The following SLC44A5 variants were observed in gnomAD, a reference collection of about 807,000 sequenced individuals.
SLC44A5 encodes the protein solute carrier family 44 member 5.
Under a neutral mutation model 101.8 loss-of-function variants are expected in SLC44A5, and 57 were observed. The observed-to-expected ratio is 0.56, with a 90% CI of 0.45 to 0.70. The LOEUF is 0.70. Among genes scored for constraint, SLC44A5 ranks in the 30% least tolerant of loss-of-function variants. The pLI is 0.00. For synonymous variants in SLC44A5, 281 were observed against 290.9 expected, an observed-to-expected ratio of 0.97 and a Z score of 0.35; for missense variants, 737 against 853.1, an observed-to-expected ratio of 0.86 and a Z score of 1.70.
chr1:75,253,997 C>A (rs934857396), intron 6 of SLC44A5, among the ~76,000 whole-genome samples: 7 of 151,880 alleles, frequency 4.6e-5, no homozygotes, highest in Non-Finnish European at 5.9e-5. Context: ...AATCTATAGT[C>A]ATTCTATCAC....
chr1:75,403,991 A>C (rs1384804584), intron 2 of SLC44A5, among the ~76,000 whole-genome samples: 1 of 152,108 alleles, frequency 6.6e-6, no homozygotes, highest in Non-Finnish European at 1.5e-5. Context: ...TAACCGCTTT[A>C]GGGAAGAATA....
At chr1:75,429,880 T>A (rs1664514394) in intron 2 of SLC44A5, among the ~76,000 whole-genome samples, 1 of 152,144 alleles carries the variant, frequency 6.6e-6, no homozygotes, top group South Asian at 2.1e-4. Flanking sequence ...CATTTCAACA[T>A]GAGATTTGAA....
chr1:75,519,263 T>G (rs926834571), intron 2 of SLC44A5, among the ~76,000 whole-genome samples: 4 of 152,108 alleles, frequency 2.6e-5, no homozygotes, highest in Non-Finnish European at 5.9e-5. Flanking sequence ...TTTTCTGGGC[T>G]TAAAACATTA....
At chr1:75,408,713 TG>T (rs1179877373) in intron 2 of SLC44A5, among the ~76,000 whole-genome samples, 2 of 122,212 alleles carry the variant, frequency 1.6e-5, no homozygotes, top group Non-Finnish European at 3.4e-5. Context: ...TGTCGGGGGC[TG>T]GGGGGCTAGG....
chr1:75,374,469 A>G (rs1030502949), intron 3 of SLC44A5, among the ~76,000 whole-genome samples: 40 of 152,172 alleles, frequency 2.6e-4, no homozygotes, highest in African/African-American at 8.9e-4. Flanking sequence ...GCCCCACTTG[A>G]TGCTAAGGAA....
intron 1 of SLC44A5, among the ~76,000 whole-genome samples, chr1:75,592,011 T>G (rs1159981565): frequency 6.6e-6 from 1 of 152,222 alleles, no homozygotes; most frequent in East Asian, 1.9e-4. Context: ...TTCAACATAG[T>G]ACTGGAAGTC....
chr1:75,671,865 T>C, the SLC44A5 span, among the ~76,000 whole-genome samples: 3 of 152,236 alleles, frequency 2.0e-5, no homozygotes, highest in Non-Finnish European at 4.4e-5. Flanking sequence ...AAACTATTTC[T>C]TTTTATTTTC....
At chr1:75,515,434 C>G (rs1453438456) in intron 2 of SLC44A5, among the ~76,000 whole-genome samples, 1 of 151,930 alleles carries the variant, frequency 6.6e-6, no homozygotes, top group African/African-American at 2.4e-5. Flanking sequence ...TCTTCCCATT[C>G]CCCACACACC....
intron 1 of SLC44A5, among the ~76,000 whole-genome samples, chr1:75,566,380 A>G (rs535806374): frequency 6.6e-6 from 1 of 152,338 alleles, no homozygotes; most frequent in Non-Finnish European, 1.5e-5. Context: ...TGTGAAATAA[A>G]AGGCCAGTTC....
At chr1:75,611,212 T>C (rs1675641300), upstream of SLC44A5, 1 of 454,628 alleles carries the variant, frequency 2.2e-6, no homozygotes, top group African/African-American at 2.1e-5. Context: ...CTAGCCTTGC[T>C]AGCCTCAAAG....
the SLC44A5 span, among the ~76,000 whole-genome samples, chr1:75,667,213 G>A: frequency 1.3e-5 from 2 of 152,182 alleles, no homozygotes; most frequent in Non-Finnish European, 2.9e-5. Flanking sequence ...TCCTTAAACT[G>A]ATAAGCAACT....
intron 2 of SLC44A5, among the ~76,000 whole-genome samples, chr1:75,515,860 T>G (rs894670419): frequency 2.6e-5 from 4 of 152,124 alleles, no homozygotes; most frequent in Non-Finnish European, 5.9e-5. Flanking sequence ...TGGCTTTACA[T>G]TCCCATCACA....
the SLC44A5 span, among the ~76,000 whole-genome samples, chr1:75,620,528 G>C: frequency 6.6e-6 from 1 of 152,108 alleles, no homozygotes; most frequent in South Asian, 2.1e-4. Context: ...CATTCTAACT[G>C]GCGTGAGCTG....
intron 2 of SLC44A5, among the ~76,000 whole-genome samples, chr1:75,438,224 G>T (rs1484930774): frequency 1.3e-5 from 2 of 152,100 alleles, no homozygotes; most frequent in Non-Finnish European, 2.9e-5. Flanking sequence ...CAGCAATCTG[G>T]AAGTTATTGA....
rs1661061023 is a variant in SLC44A5 at position 75,383,534 on chromosome 1, C to A, written c.52+13049G>T. The stretch of plus-strand genomic sequence containing the variant: ...AAGAATAAAAAGAAATGAGCAAAGC[C>A]TCCAAGAAATATGGGACTATGTGAA... On this transcript the variant is annotated intron_variant, in intron 3 of 23. Coordinates refer to ENST00000370859, the MANE Select transcript of SLC44A5 (RefSeq NM_001130058.2). 2.0e-5 allele frequency among the ~76,000 whole-genome samples: 3 copies of A among 152,144 alleles called. No individual in the cohort carries two copies. The South Asian group carries it at 6.2e-4, about 32-fold the overall frequency.
chr1:75,333,767 T>C lies in SLC44A5; in HGVS notation c.101+5815A>G, dbSNP rs17096760. Among the ~76,000 whole-genome samples, 204 of 152,196 alleles carry C rather than the reference T, an allele frequency of 1.3e-3. 1 individual carries two copies. The East Asian group carries it at 0.025, about 19-fold the overall frequency. On this transcript the variant is annotated intron_variant, in intron 4 of 23. Coordinates refer to ENST00000370859, the MANE Select transcript of SLC44A5 (RefSeq NM_001130058.2). Reference sequence around the variant, plus strand: ...AAAAGGAGAGTGTGTCTAGTACTGATAGGAGTAAGAAGAATGTAGAAAAAA... The same window carrying C: ...AAAAGGAGAGTGTGTCTAGTACTGACAGGAGTAAGAAGAATGTAGAAAAAA...
chr1:75,242,886 C>T lies in SLC44A5; in HGVS notation c.471G>A (p.Lys157=), dbSNP rs1648763207. Residue 157 remains lysine, a splice_region_variant and synonymous_variant, in exon 8 of 24, where the codon AAG becomes AAA. Transcript: ENST00000370859. ...QFCKTTAKPV[K]SLTQLLLDDD... is the part of the protein sequence containing the mutation. ...TTGCTTTAAGCTTAAACACACATAC[C>T]TTCACAGGCTTAGCAGTGGTCTTAC... 3 of 1,587,764 alleles carry T rather than the reference C, an allele frequency of 1.9e-6. No homozygotes were observed. Among genetic ancestry groups the T allele is most frequent in the Non-Finnish European group, 2.6e-6 (3 of 1,169,230 alleles).
At chr1:75,656,053 G>C in the SLC44A5 span, among the ~76,000 whole-genome samples, 2 of 152,078 alleles carry the variant, frequency 1.3e-5, no homozygotes, top group African/African-American at 4.8e-5. Context: ...CTATACATCT[G>C]GCAACAGACT....
At chr1:75,703,523 A>AGGGGGGAGGGATAGCTTTAGGAGATATAC in the SLC44A5 span, among the ~76,000 whole-genome samples, 28 of 132,966 alleles carry the variant, frequency 2.1e-4, no homozygotes, top group Admixed American at 2.1e-3. Flanking sequence ...GGGTGGGGCG[A>AGGGGGGAGGGATAGCTTTAGGAGATATAC]GGGGGGAGGG....
Sources: allele counts gnomAD v4.1 joint callset (sites outside exome capture counted in the v4.1 genomes callset), GRCh38; gene constraint gnomAD v4.1.1; transcripts MANE v1.5; gene names NCBI Gene and HGNC (gene_info 2026-07-23, HGNC 2026-07-21).